Variants in PCDH15 observed in about 807,000 individuals in gnomAD.
PCDH15 encodes protocadherin-15.
Under a neutral mutation model 178.5 loss-of-function variants are expected in PCDH15, and 129 were observed. The observed-to-expected ratio is 0.72, with a 90% CI of 0.63 to 0.84. PCDH15 has a LOEUF of 0.84. Ranked by LOEUF, PCDH15 falls within the 40% of genes least tolerant of loss-of-function variation. PCDH15 has a pLI of 0.00. For missense variants in PCDH15, 2,230 were observed against 2,099.9 expected (o/e 1.06, Z -1.21); for synonymous variants, 800 against 732.0 (o/e 1.09, Z -1.50).
chr10:54,545,514 T>A lies in PCDH15; in HGVS notation c.92-17637A>T, dbSNP rs150625579. Among the ~76,000 whole-genome samples, 494 of 152,080 alleles carry A rather than the reference T, an allele frequency of 3.2e-3. 1 individual carries two copies. Among genetic ancestry groups the A allele is most frequent in the African/African-American group, 8.6e-3 (356 of 41,512 alleles). ...AATTAAAATTATTTTATAATTTTGG[T>A]GTAGCTATAAGTTGTTTCTATATAA... is the stretch of plus-strand genomic sequence containing the variant. On this transcript the variant is annotated intron_variant, in intron 2 of 37. Coordinates refer to ENST00000644397, the MANE Select transcript of PCDH15 (RefSeq NM_001384140.1).
chr10:54,489,259 T>G (rs984045900), intron 3 of PCDH15, among the ~76,000 whole-genome samples: 1 of 152,116 alleles, frequency 6.6e-6, no homozygotes, highest in African/African-American at 2.4e-5. Context: ...TCTAATCAAG[T>G]GAATAGATCC....
At chr10:55,306,615 G>C (rs1294364274) in intron 1 of PCDH15, among the ~76,000 whole-genome samples, 1 of 152,168 alleles carries the variant, frequency 6.6e-6, no homozygotes, top group Non-Finnish European at 1.5e-5. Flanking sequence ...GAGTGTAAAA[G>C]AAGTTACCAT....
rs563721148 is a variant in PCDH15, at chr10:54,853,045, G to A, written c.-29+44405C>T. Reference sequence around the variant, plus strand: ...GGAGGCCGAGGCAGGCAGATCACCCGAGGTTGGGAGTTAGAGACCAGCCTG... The same window carrying A: ...GGAGGCCGAGGCAGGCAGATCACCCAAGGTTGGGAGTTAGAGACCAGCCTG... On this transcript the variant is annotated intron_variant, in intron 3 of 5. Coordinates refer to the PCDH15 transcript ENST00000458638. Among the ~76,000 whole-genome samples the A allele has an allele frequency of 5.3e-5, 8 of 150,942 alleles. No homozygotes were observed. In the East Asian group the frequency reaches 5.9e-4, roughly 11 times the overall value.
intron 2 of PCDH15, among the ~76,000 whole-genome samples, chr10:55,086,219 A>G (rs1842163657): frequency 6.6e-6 from 1 of 152,122 alleles, no homozygotes; most frequent in Non-Finnish European, 1.5e-5. Context: ...GCAGTACTTC[A>G]TTGTAATCAC....
At chr10:53,836,767 A>C (rs1374982142) in intron 29 of PCDH15, among the ~76,000 whole-genome samples, 1 of 152,192 alleles carries the variant, frequency 6.6e-6, no homozygotes, top group Admixed American at 6.5e-5. Flanking sequence ...AATATAAAAC[A>C]ACCATTTTCA....
At chr10:55,353,571 T>C (rs537501524) in intron 2 of PCDH15, among the ~76,000 whole-genome samples, 2 of 152,244 alleles carry the variant, frequency 1.3e-5, no homozygotes, top group South Asian at 2.1e-4. Context: ...GTGTATACAG[T>C]ATCTCTTTGT....
At chr10:54,614,406 T>G (rs1233825258) in intron 2 of PCDH15, among the ~76,000 whole-genome samples, 1 of 152,030 alleles carries the variant, frequency 6.6e-6, no homozygotes, top group African/African-American at 2.4e-5. Context: ...TTGTTCACTT[T>G]AAGGGGTTAT....
chr10:55,260,611 T>C (rs140385792), intron 1 of PCDH15, among the ~76,000 whole-genome samples: 396 of 152,306 alleles, frequency 2.6e-3, no homozygotes, highest in African/African-American at 8.6e-3. Flanking sequence ...AGATTAGTTT[T>C]ACTGGTAGCT....
At chr10:54,916,079 A>T (rs1377632318) in intron 2 of PCDH15, among the ~76,000 whole-genome samples, 2 of 151,562 alleles carry the variant, frequency 1.3e-5, no homozygotes, top group Non-Finnish European at 2.9e-5. Context: ...AGCCTCCCAA[A>T]GTGCTGGGAT....
At chr10:55,534,032 C>G (rs1221162895) in intron 2 of PCDH15, among the ~76,000 whole-genome samples, 2 of 151,954 alleles carry the variant, frequency 1.3e-5, no homozygotes, top group African/African-American at 4.8e-5. Flanking sequence ...TAGCCATATA[C>G]AGAAGGATAA....
chr10:55,496,181 C>T (rs73269346), intron 2 of PCDH15, among the ~76,000 whole-genome samples: 2,324 of 151,708 alleles, frequency 0.015, 51 homozygotes, highest in African/African-American at 0.054. Flanking sequence ...TGAGTTATAT[C>T]TCAATAAAAC....
intron 9 of PCDH15, among the ~76,000 whole-genome samples, chr10:54,233,854 G>A (rs1456434874): frequency 2.0e-5 from 3 of 152,034 alleles, no homozygotes; most frequent in African/African-American, 7.2e-5. Flanking sequence ...AAGACTTTTG[G>A]CTAGTCAATA....
At chr10:53,905,853 T>C in intron 25 of PCDH15, among the ~76,000 whole-genome samples, 1 of 152,042 alleles carries the variant, frequency 6.6e-6, no homozygotes, top group Middle Eastern at 3.4e-3. Context: ...TGATTATACT[T>C]AATTATAATA....
At chr10:54,715,056 C>T (rs2095464089) in intron 1 of PCDH15, among the ~76,000 whole-genome samples, 1 of 151,930 alleles carries the variant, frequency 6.6e-6, no homozygotes, top group African/African-American at 2.4e-5. Flanking sequence ...ATTGAGATTG[C>T]TGATACTCAT....
intron 1 of PCDH15, among the ~76,000 whole-genome samples, chr10:55,189,379 T>C (rs1305476749): frequency 6.6e-6 from 1 of 151,950 alleles, no homozygotes; most frequent in Non-Finnish European, 1.5e-5. Flanking sequence ...ACAATCTGTC[T>C]GCCCAATGAA....
intron 2 of PCDH15, among the ~76,000 whole-genome samples, chr10:55,066,646 A>G (rs531316930): frequency 4.1e-5 from 6 of 145,356 alleles, no homozygotes; most frequent in East Asian, 2.0e-4. Flanking sequence ...TAATTTGAGT[A>G]TTTGAGTTAT....
intron 2 of PCDH15, among the ~76,000 whole-genome samples, chr10:54,574,543 G>GA (rs1358239145): frequency 2.7e-5 from 4 of 148,342 alleles, no homozygotes; most frequent in Admixed American, 1.4e-4. Flanking sequence ...AAAAACACGT[G>GA]AAAAAATGCT....
rs373118472 is a variant in PCDH15, at chr10:54,049,733, G to T, written c.2220+17024C>A. On this transcript the variant is annotated intron_variant, in intron 18 of 37. Transcript: ENST00000644397. The stretch of plus-strand genomic sequence containing the variant: ...CCTCCTGGGTTCAAACAATTCTCCT[G>T]CCTCAGCCTCCCAAGTAGCTTGCAC... 9.2e-4 allele frequency among the ~76,000 whole-genome samples: 140 copies of T among 151,572 alleles called. 5 individuals carry two copies. The South Asian group carries it at 0.029, about 31-fold the overall frequency.
At chr10:55,355,222 G>A (rs1014646946) in intron 2 of PCDH15, among the ~76,000 whole-genome samples, 3 of 152,020 alleles carry the variant, frequency 2.0e-5, no homozygotes, top group African/African-American at 7.2e-5. Context: ...ACATTTGCAT[G>A]TAGATTTTTG....
Sources: gnomAD v4.1 joint callset for allele counts (sites outside exome capture counted in the v4.1 genomes callset) on GRCh38, gnomAD v4.1.1 for gene constraint, MANE v1.5 for transcripts, NCBI Gene and HGNC (gene_info 2026-07-23, HGNC 2026-07-21) for gene names.